CFAP47: variants seen among roughly 807,000 people sequenced by gnomAD.
The protein encoded by CFAP47 is cilia- and flagella-associated protein 47.
In CFAP47, 29 loss-of-function variants were observed where a neutral mutation model predicts 148.1. The ratio of observed to expected loss-of-function variants is 0.20; its 90% CI spans 0.15 to 0.27. The LOEUF (loss-of-function observed/expected upper bound fraction) is 0.27, where lower values mean the gene tolerates loss of function less well. CFAP47 is among the 10% of genes least tolerant of loss of function. CFAP47 has a pLI of 1.00. For missense variants in CFAP47, 1,872 were observed against 1,697.5 expected (o/e 1.10, Z -1.81); for synonymous variants, 664 against 577.3 (o/e 1.15, Z -2.15).
chrX:36,046,811 C>A, intron 25 of CFAP47, 43 bp from the exon 26 acceptor site: 2 of 868,794 alleles, frequency 2.3e-6, no homozygotes, highest in Non-Finnish European at 3.2e-6. Flanking sequence ...CAATGACTGG[C>A]AGGTATTTTG....
intron 45 of CFAP47, among the ~76,000 whole-genome samples, chrX:36,213,753 A>C (rs1204823609): frequency 8.9e-6 from 1 of 112,478 alleles, no homozygotes; most frequent in Non-Finnish European, 1.9e-5. Flanking sequence ...GTTATGCTGC[A>C]CAAAATGTGA....
At chrX:36,249,796 A>C (rs1428718167) in intron 48 of CFAP47, among the ~76,000 whole-genome samples, 1 of 111,056 alleles carries the variant, frequency 9.0e-6, no homozygotes, top group East Asian at 2.8e-4. Context: ...ACAACATTTA[A>C]AAATGATTAT....
chrX:36,361,059 G>C (rs1177355497), intron 60 of CFAP47, among the ~76,000 whole-genome samples: 1 of 111,065 alleles, frequency 9.0e-6, no homozygotes, highest in African/African-American at 3.3e-5. Context: ...TTGTTTTATA[G>C]ACCTGAATTA....
intron 22 of CFAP47, among the ~76,000 whole-genome samples, chrX:36,029,139 C>G (rs1392473439): frequency 9.0e-6 from 1 of 110,592 alleles, no homozygotes; most frequent in Non-Finnish European, 1.9e-5. Flanking sequence ...AGGAATTTGT[C>G]CATTTCCTCT....
At chrX:36,011,727 A>G (rs1937040238) in intron 21 of CFAP47, among the ~76,000 whole-genome samples, 1 of 111,805 alleles carries the variant, frequency 8.9e-6, no homozygotes, top group Non-Finnish European at 1.9e-5. Context: ...TCTTTGTTTA[A>G]GTTCCTTGTA....
intron 26 of CFAP47, among the ~76,000 whole-genome samples, chrX:36,059,725 T>C (rs1401381630): frequency 1.8e-5 from 2 of 112,203 alleles, no homozygotes; most frequent in Non-Finnish European, 3.8e-5. Context: ...TATCTGTGCA[T>C]ATGCACTAGT....
chrX:36,104,901 T>C (rs766425340), intron 33 of CFAP47, among the ~76,000 whole-genome samples: 3 of 112,140 alleles, frequency 2.7e-5, no homozygotes, highest in Non-Finnish European at 5.6e-5. Context: ...GGTGCTTCTT[T>C]AACTTATTTT....
At chrX:36,223,327 A>G (rs1339539693) in intron 45 of CFAP47, among the ~76,000 whole-genome samples, 1 of 111,218 alleles carries the variant, frequency 9.0e-6, no homozygotes, top group Non-Finnish European at 1.9e-5. Flanking sequence ...AAAAGCCTAC[A>G]TTGAGTTTTT....
Position 36,258,196 on chromosome X carries a change from T to A in CFAP47, c.7444+6752T>A, listed in dbSNP as rs1277012125. On this transcript the variant is annotated intron_variant, in intron 49 of 63. Coordinates refer to ENST00000378653, the MANE Select transcript of CFAP47 (RefSeq NM_001304548.2). ...CTGGAATGGGATCTTTTTATGACAC[T>A]GGCATAAGAAAGCTTCATTCAAATT... 7.1e-5 allele frequency among the ~76,000 whole-genome samples: 8 copies of A among 112,226 alleles called. No individual in the cohort carries two copies. In the Admixed American group the frequency reaches 7.6e-4, roughly 11 times the overall value.
intron 63 of CFAP47, among the ~76,000 whole-genome samples, chrX:36,382,876 T>G (rs1942090908): frequency 1.8e-5 from 2 of 111,811 alleles, no homozygotes; most frequent in Admixed American, 1.9e-4. Flanking sequence ...TGTATTCTTA[T>G]ATTATTTTAA....
chrX:36,076,946 G>T (rs187833674), intron 29 of CFAP47, among the ~76,000 whole-genome samples: 5 of 110,881 alleles, frequency 4.5e-5, no homozygotes, highest in African/African-American at 1.6e-4. Flanking sequence ...ACTTTTAATC[G>T]TCTGCAAATG....
intron 2 of CFAP47, among the ~76,000 whole-genome samples, chrX:35,933,170 C>T (rs1237118958): frequency 1.8e-5 from 2 of 110,804 alleles, no homozygotes; most frequent in East Asian, 2.9e-4. Flanking sequence ...ATTATTTATT[C>T]TTTCTAATTA....
chrX:36,369,438 G>T, intron 62 of CFAP47, among the ~76,000 whole-genome samples: 1 of 110,128 alleles, frequency 9.1e-6, no homozygotes, highest in East Asian at 2.9e-4. Context: ...TATTGATGCT[G>T]GAGAGTGATT....
intron 29 of CFAP47, among the ~76,000 whole-genome samples, chrX:36,077,532 T>C (rs1428528392): frequency 1.8e-5 from 2 of 109,622 alleles, no homozygotes; most frequent in East Asian, 2.9e-4. Context: ...CTGTGGCTAT[T>C]GTAAATAGGA....
At chrX:36,265,034 G>T (rs1219843549) in intron 49 of CFAP47, among the ~76,000 whole-genome samples, 1 of 108,235 alleles carries the variant, frequency 9.2e-6, no homozygotes, top group Non-Finnish European at 1.9e-5. Flanking sequence ...TTCTTCCTGT[G>T]CATGAGCATG....
chrX:35,928,276 T>A (rs1395718814), intron 2 of CFAP47, among the ~76,000 whole-genome samples: 1 of 111,087 alleles, frequency 9.0e-6, no homozygotes, highest in African/African-American at 3.3e-5. Flanking sequence ...GAGTGATACA[T>A]GAGTAATCCA....
At chrX:36,275,339 G>T (rs1174274049) in intron 49 of CFAP47, among the ~76,000 whole-genome samples, 1 of 110,049 alleles carries the variant, frequency 9.1e-6, no homozygotes, top group East Asian at 2.9e-4. Flanking sequence ...CTCCCAAAGT[G>T]CTGGGACTAC....
chrX:36,353,779 G>T, intron 60 of CFAP47, 98 bp downstream of exon 60: 9 of 629,090 alleles, frequency 1.4e-5, no homozygotes, highest in Non-Finnish European at 1.4e-5. Context: ...TAAGATCCAT[G>T]TCCATTTACT....
intron 39 of CFAP47, among the ~76,000 whole-genome samples, chrX:36,167,480 G>C (rs146321280): frequency 2.9e-3 from 326 of 111,240 alleles, no homozygotes; most frequent in African/African-American, 1.0e-2. Context: ...TTACGAACTG[G>C]GCAAAGGCAG....
Sources: allele counts gnomAD v4.1 joint callset (sites outside exome capture counted in the v4.1 genomes callset), GRCh38; gene constraint gnomAD v4.1.1; transcripts MANE v1.5; gene names NCBI Gene and HGNC (gene_info 2026-07-23, HGNC 2026-07-21).